TEAD2: variants seen among roughly 807,000 people sequenced by gnomAD.
TEAD2 encodes TEA domain transcription factor 2, also known as transcriptional enhancer factor TEF-4.
A neutral mutation model predicts 61.4 loss-of-function variants in TEAD2; 51 were observed. The ratio of observed to expected loss-of-function variants is 0.83; its 90% confidence interval spans 0.66 to 1.05. The LOEUF (loss-of-function observed/expected upper bound fraction) is 1.05, where lower values mean the gene tolerates loss of function less well. TEAD2 is among the 50% of genes least tolerant of loss of function. The probability of loss-of-function intolerance (pLI) is 0.00; values close to 1 mark genes in which losing one functional copy is unlikely to be tolerated. For missense variants in TEAD2, 509 were observed against 600.0 expected, an observed-to-expected ratio of 0.85 and a Z score of 1.58; for synonymous variants, 244 against 243.2, an observed-to-expected ratio of 1.00 and a Z score of -0.03.
rs565509679 is a variant in TEAD2, at chr19:49,350,860, C to T, written c.604+441G>A. 1.4e-4 allele frequency among the ~76,000 whole-genome samples: 22 copies of T among 152,254 alleles called. No homozygotes were observed. In the South Asian group the frequency reaches 4.6e-3, roughly 32 times the overall value. On this transcript the variant is annotated intron_variant, in intron 8 of 12. Transcript: ENST00000593945. ...CCCCGCCCCCAACACACACACCCTGCCTCAAAGCTGGGCTTCAGTAAGAAT... is the reference window on the plus strand; with the variant it reads ...CCCCGCCCCCAACACACACACCCTGTCTCAAAGCTGGGCTTCAGTAAGAAT...
chr19:49,358,908 C>T (rs372922819), intron 3 of TEAD2, among the ~76,000 whole-genome samples: 15 of 152,166 alleles, frequency 9.9e-5, no homozygotes, highest in Non-Finnish European at 1.5e-4. Context: ...AGGCATGAGC[C>T]ACTGGCCCAG....
intron 3 of TEAD2, chr19:49,357,587 GA>G: frequency 1.8e-6 from 1 of 546,524 alleles, no homozygotes; most frequent in Non-Finnish European, 3.3e-6. Context: ...ACAACCACTA[GA>G]AAAACTATCC....
Position 49,351,377 on chromosome 19 carries a change from A to T in TEAD2, c.540-12T>A, listed in dbSNP as rs769920453. On this transcript the variant is annotated splice_polypyrimidine_tract_variant and intron_variant, in intron 7 of 12. Coordinates refer to ENST00000593945, the MANE Select transcript of TEAD2 (RefSeq NM_001256660.2). ...AGAATGGCTTCACACTGAGGGAAAA[A>T]GGAAGCCAGGGGTTAGCCAGGTAGA... The T allele has an allele frequency of 6.9e-6, 11 of 1,604,474 alleles. No homozygotes were observed. Among genetic ancestry groups the T allele is most frequent in the African/African-American group, 4.0e-5 (3 of 74,546 alleles).
chr19:49,344,833 CA>C (rs1324197048), intron 10 of TEAD2, among the ~76,000 whole-genome samples: 2 of 152,198 alleles, frequency 1.3e-5, no homozygotes, highest in African/African-American at 4.8e-5. Context: ...TCCATGACCC[CA>C]GTGGCCAAGT....
intron 7 of TEAD2, among the ~76,000 whole-genome samples, chr19:49,351,584 C>T (rs528345800): frequency 6.6e-6 from 1 of 152,306 alleles, no homozygotes; most frequent in South Asian, 2.1e-4. Flanking sequence ...CCCAAAGTCA[C>T]ACAGTTGAGA....
Position 49,347,212 on chromosome 19 carries a change from G to A in TEAD2, c.899C>T (p.Ala300Val), listed in dbSNP as rs1047383220. 3 of 1,613,876 alleles carry A rather than the reference G, an allele frequency of 1.9e-6. No individual in the cohort carries two copies. Among genetic ancestry groups the A allele is most frequent in the Admixed American group, 1.7e-5 (1 of 59,984 alleles). Reference sequence around the variant, plus strand: ...CACCCAGAACTTGACCAGGAAGAAGGCATGGGGGGGGCCACGATCATATAG... The same window carrying A: ...CACCCAGAACTTGACCAGGAAGAAGACATGGGGGGGGCCACGATCATATAG... ...RELYDRGPPH[A>V]FFLVKFWADL... Residue 300 changes from alanine (A) to valine (V), a missense_variant, in exon 10 of 13, where the codon GCC becomes GTC. Ala to Val is a moderately conservative substitution (Grantham distance 64). Coordinates refer to ENST00000593945, the MANE Select transcript of TEAD2 (RefSeq NM_001256660.2).
chr19:49,359,309 C>T lies in TEAD2; in HGVS notation c.297+126G>A. On this transcript the variant is annotated intron_variant, in intron 3 of 12. Transcript: ENST00000593945. This position sits in a 1 kb window ranked among gnomAD's most constrained non-coding sequence, Gnocchi z 4.1. ...ATAGCAATACAAACGGACTAACACA[C>T]ATGCCGAGAAGACAGATGAACGCAC... The T allele has an allele frequency of 1.3e-6, 1 of 799,728 alleles. No individual in the cohort carries two copies. Among genetic ancestry groups the T allele is most frequent in the Admixed American group, 2.0e-5 (1 of 49,326 alleles). 49.5% of individuals were successfully genotyped at this position (799,728 alleles called of 1,614,324 possible).
rs117819620 is a variant in TEAD2, at chr19:49,356,269, A to G, written c.361-299T>C. On this transcript the variant is annotated intron_variant, in intron 4 of 12. Coordinates refer to ENST00000593945, the MANE Select transcript of TEAD2 (RefSeq NM_001256660.2). Reference sequence around the variant, plus strand: ...TTCAGAGCCAGCGGGAAGACAAGGTAAATGTTTCCTAATCCAGACAGAACA... The same window carrying G: ...TTCAGAGCCAGCGGGAAGACAAGGTGAATGTTTCCTAATCCAGACAGAACA... 4.3e-3 allele frequency: 1,275 copies of G among 298,820 alleles called. 10 individuals are homozygous for G. The highest frequency in any genetic ancestry group is 0.017 in the East Asian group (303 of 18,300). The allele number at this position is 298,820 out of a possible 1,614,324, so 18.5% of individuals were successfully genotyped here.
chr19:49,354,261 T>G (rs2146516724), intron 7 of TEAD2, among the ~76,000 whole-genome samples: 1 of 150,366 alleles, frequency 6.7e-6, no homozygotes, highest in East Asian at 2.0e-4. Context: ...CCCAGCACTT[T>G]GGGAGGTCCA....
rs761971912 is a variant in TEAD2 at position 49,343,351 on chromosome 19, G to A, written c.969C>T (p.Gly323=). ...GPSGEEAGAG[G]SISSGGFYGV... ...CGTAGAAGCCACCACTGCTGATGCT[G>A]CCACCGGCCCCTGCCTCCTCACCAC... The change falls in exon 11 of 13, where the codon GGC becomes GGT. Residue 323 remains glycine (G), a synonymous_variant. Transcript: ENST00000593945. 9.9e-6 allele frequency: 16 copies of A among 1,613,330 alleles called. No homozygotes were observed. Among genetic ancestry groups the A allele is most frequent in the Non-Finnish European group, 1.3e-5 (15 of 1,179,840 alleles).
intron 9 of TEAD2, among the ~76,000 whole-genome samples, 200 bp downstream of exon 9, chr19:49,348,503 G>A (rs1051878146): frequency 6.6e-5 from 10 of 151,210 alleles, no homozygotes; most frequent in Non-Finnish European, 8.8e-5. Context: ...CTGCATCAAC[G>A]CACCTGGTAG....
intron 7 of TEAD2, among the ~76,000 whole-genome samples, chr19:49,354,232 G>A (rs1055991952): frequency 5.3e-5 from 8 of 151,796 alleles, no homozygotes; most frequent in African/African-American, 9.7e-5. Context: ...AGCCCGCCAC[G>A]GTGGCTCACG....
chr19:49,356,021 T>G, intron 4 of TEAD2, 51 bp from the exon 5 acceptor site: 1 of 1,239,080 alleles, frequency 8.1e-7, no homozygotes, highest in Non-Finnish European at 1.0e-6. Context: ...AAACATGACT[T>G]AGGAAGTACG....
intron 7 of TEAD2, among the ~76,000 whole-genome samples, chr19:49,353,271 G>A (rs1382963364): frequency 6.6e-6 from 1 of 151,604 alleles, no homozygotes; most frequent in Admixed American, 6.6e-5. Flanking sequence ...GCTATTTTTT[G>A]CATTTTAGGT....
intron 7 of TEAD2, among the ~76,000 whole-genome samples, chr19:49,353,637 C>T (rs1465622813): frequency 3.9e-5 from 6 of 151,996 alleles, no homozygotes; most frequent in Non-Finnish European, 1.5e-5. Context: ...CTGCCCAGCC[C>T]CCTACCTTCC....
At chr19:49,345,640 C>A (rs1971581732) in intron 10 of TEAD2, among the ~76,000 whole-genome samples, 1 of 152,134 alleles carries the variant, frequency 6.6e-6, no homozygotes, top group South Asian at 2.1e-4. Flanking sequence ...AGGAGTGAAC[C>A]ACCACACCTA....
intron 10 of TEAD2, among the ~76,000 whole-genome samples, chr19:49,346,541 A>G (rs1240217231): frequency 6.6e-6 from 1 of 150,834 alleles, no homozygotes; most frequent in Non-Finnish European, 1.5e-5. Context: ...CCTGTAGTCC[A>G]ATCTACTGGG....
chr19:49,357,923 C>T (rs888058393), intron 3 of TEAD2, among the ~76,000 whole-genome samples: 13 of 152,222 alleles, frequency 8.5e-5, no homozygotes, highest in African/African-American at 3.1e-4. Flanking sequence ...CATGGTGAAA[C>T]CCTGTCTCTA....
chr19:49,351,963 CAG>C, intron 7 of TEAD2, among the ~76,000 whole-genome samples: 1 of 150,804 alleles, frequency 6.6e-6, no homozygotes, highest in South Asian at 2.1e-4. Context: ...TCCTGGGTGA[CAG>C]AGCAAGACTC....
Sources: allele counts gnomAD v4.1 joint callset (sites outside exome capture counted in the v4.1 genomes callset), GRCh38; gene constraint gnomAD v4.1.1; non-coding constraint Gnocchi (gnomAD v3.1); transcripts MANE v1.5; gene names NCBI Gene and HGNC (gene_info 2026-07-23, HGNC 2026-07-21).